The following PTPRG variants were observed in gnomAD, a reference collection of about 807,000 sequenced individuals.
The protein encoded by PTPRG is receptor-type tyrosine-protein phosphatase gamma.
Under a neutral mutation model 165.3 loss-of-function variants are expected in PTPRG, and 102 were observed. That is an observed-to-expected ratio of 0.62 (90% CI 0.53 to 0.73). The LOEUF is 0.73. PTPRG is among the 30% of genes least tolerant of loss of function. PTPRG has a pLI of 0.00. For synonymous variants in PTPRG, 675 were observed against 669.5 expected, an observed-to-expected ratio of 1.01 and a Z score of -0.13; for missense variants, 1,866 against 1,861.4, an observed-to-expected ratio of 1.00 and a Z score of -0.05.
chr3:61,996,052 T>A (rs1360325389), intron 3 of PTPRG, among the ~76,000 whole-genome samples: 3 of 152,136 alleles, frequency 2.0e-5, no homozygotes, highest in Non-Finnish European at 4.4e-5. Context: ...TTGGCCCCCT[T>A]CTCTCCCTTC....
At chr3:61,873,304 A>G (rs1217569589) in intron 2 of PTPRG, among the ~76,000 whole-genome samples, 4 of 152,220 alleles carry the variant, frequency 2.6e-5, no homozygotes, top group Non-Finnish European at 5.9e-5. Flanking sequence ...AGACCATGCA[A>G]CTGCTAAAAT....
chr3:62,270,745 G>T (rs967713862), intron 20 of PTPRG, among the ~76,000 whole-genome samples: 2 of 152,232 alleles, frequency 1.3e-5, no homozygotes, highest in Admixed American at 6.5e-5. Flanking sequence ...TTGATAATAA[G>T]AAATCGTATC....
At chr3:61,975,648 A>G (rs780425987) in intron 2 of PTPRG, among the ~76,000 whole-genome samples, 1 of 137,166 alleles carries the variant, frequency 7.3e-6, no homozygotes, top group East Asian at 2.1e-4. Context: ...AATTCTACCT[A>G]TTTTTCTGAA....
At chr3:61,924,607 A>G (rs2039160857) in intron 2 of PTPRG, among the ~76,000 whole-genome samples, 1 of 152,190 alleles carries the variant, frequency 6.6e-6, no homozygotes, top group Non-Finnish European at 1.5e-5. Context: ...TGGAAGAAAT[A>G]ATTGCTCCTG....
intron 1 of PTPRG, among the ~76,000 whole-genome samples, chr3:61,732,177 A>C (rs1361025785): frequency 6.6e-6 from 1 of 152,238 alleles, no homozygotes. Context: ...AATTAGAATA[A>C]TTTATATAAC....
At chr3:62,108,455 T>C (rs1474856056) in intron 5 of PTPRG, among the ~76,000 whole-genome samples, 1 of 152,226 alleles carries the variant, frequency 6.6e-6, no homozygotes, top group African/African-American at 2.4e-5. Context: ...TGATGGACAT[T>C]TGGGTTGGTT....
At chr3:61,588,105 C>G (rs72888680) in intron 1 of PTPRG, among the ~76,000 whole-genome samples, 6,611 of 152,184 alleles carry the variant, frequency 0.043, 159 homozygotes, top group Middle Eastern at 0.065. Context: ...GTACAGACCA[C>G]TTAATTTTGT....
At chr3:62,005,427 G>A (rs75987166) in intron 4 of PTPRG, among the ~76,000 whole-genome samples, 3,566 of 152,232 alleles carry the variant, frequency 0.023, 77 homozygotes, top group East Asian at 0.091. Context: ...AGTTGAAGGG[G>A]TAGCTTTGTG....
intron 2 of PTPRG, among the ~76,000 whole-genome samples, chr3:61,775,350 C>T (rs542635822): frequency 6.6e-6 from 1 of 152,252 alleles, no homozygotes; most frequent in East Asian, 1.9e-4. Flanking sequence ...GGATTATAGG[C>T]ATGAGGCACT....
chr3:61,705,671 C>T (rs868589112), intron 1 of PTPRG, among the ~76,000 whole-genome samples: 4 of 152,076 alleles, frequency 2.6e-5, no homozygotes, highest in Non-Finnish European at 5.9e-5. Flanking sequence ...TACCAGGACC[C>T]GGGAACGATG....
chr3:61,660,806 G>A (rs1413273696), intron 1 of PTPRG, among the ~76,000 whole-genome samples: 1 of 152,162 alleles, frequency 6.6e-6, no homozygotes, highest in African/African-American at 2.4e-5. Flanking sequence ...TTCGAGACCA[G>A]CCTGGCCAAC....
chr3:62,009,844 A>T (rs2041376550), intron 4 of PTPRG, among the ~76,000 whole-genome samples: 1 of 152,172 alleles, frequency 6.6e-6, no homozygotes, highest in Middle Eastern at 3.2e-3. Flanking sequence ...GTTAAAGCCT[A>T]GACTACATGT....
chr3:61,561,861 GC>G lies in PTPRG; in HGVS notation c.-426del. 1 of 154,006 alleles carries G rather than the reference GC, an allele frequency of 6.5e-6. No individual in the cohort carries two copies. The highest frequency in any genetic ancestry group is 1.8e-4 in the South Asian group (1 of 5,582). 9.5% of individuals were successfully genotyped at this position (154,006 alleles called of 1,614,324 possible). On this transcript the variant is annotated 5_prime_UTR_variant, in exon 1 of 30. It removes the in-frame stop codon of an upstream open reading frame in the 5' UTR. Transcript: ENST00000474889. ...CTGAAGCCCGGAGACGCCGCGCCGC[GC>G]TCAGCCCCGCCGCCGCCCGCCGGCT...
intron 6 of PTPRG, among the ~76,000 whole-genome samples, chr3:62,154,327 G>A (rs1204673892): frequency 6.6e-6 from 1 of 152,142 alleles, no homozygotes; most frequent in Non-Finnish European, 1.5e-5. Flanking sequence ...CTCCTCCCCT[G>A]TCCCTTGTAC....
At chr3:62,029,195 C>A (rs1039788579) in intron 4 of PTPRG, among the ~76,000 whole-genome samples, 2 of 152,146 alleles carry the variant, frequency 1.3e-5, no homozygotes, top group African/African-American at 2.4e-5. Flanking sequence ...AGCCTCAAAT[C>A]TCAAGGTCTT....
At chr3:61,954,077 A>G (rs2039966233) in intron 2 of PTPRG, among the ~76,000 whole-genome samples, 1 of 152,144 alleles carries the variant, frequency 6.6e-6, no homozygotes, top group Non-Finnish European at 1.5e-5. Context: ...TTGTTTTCCT[A>G]GAGATTTCTT....
intron 2 of PTPRG, among the ~76,000 whole-genome samples, chr3:61,767,456 T>C (rs376599281): frequency 3.3e-5 from 5 of 152,272 alleles, no homozygotes; most frequent in African/African-American, 1.2e-4. Flanking sequence ...TGTCCACTGG[T>C]AACCTCAGCT....
intron 1 of PTPRG, among the ~76,000 whole-genome samples, chr3:61,610,879 T>C (rs2106872507): frequency 6.6e-6 from 1 of 152,006 alleles, no homozygotes; most frequent in East Asian, 1.9e-4. Context: ...CTATCTTGGC[T>C]CACTGCACTG....
chr3:62,005,690 C>CTTTTTTTT (rs35487954), intron 4 of PTPRG, among the ~76,000 whole-genome samples: 1 of 60,304 alleles, frequency 1.7e-5, no homozygotes, highest in Admixed American at 2.8e-4. Flanking sequence ...CATTAATATC[C>CTTTTTTTT]TTTTTTTTTT....
Sources: allele counts gnomAD v4.1 joint callset (sites outside exome capture counted in the v4.1 genomes callset), GRCh38; gene constraint gnomAD v4.1.1; transcripts MANE v1.5; gene names NCBI Gene and HGNC (gene_info 2026-07-23, HGNC 2026-07-21).